The following STXBP5L variants were observed in gnomAD, a reference collection of about 807,000 sequenced individuals.
STXBP5L encodes the protein syntaxin binding protein 5L, also known as syntaxin-binding protein 5-like.
A neutral mutation model predicts 144.5 loss-of-function variants in STXBP5L; 65 were observed. The ratio of observed to expected loss-of-function variants is 0.45; its 90% CI spans 0.37 to 0.55. The LOEUF is 0.55. STXBP5L is among the 20% of genes least tolerant of loss of function. STXBP5L has a pLI of 0.00. For missense variants in STXBP5L, 1,298 were observed against 1,405.5 expected, an observed-to-expected ratio of 0.92 and a Z score of 1.22; for synonymous variants, 505 against 469.6, an observed-to-expected ratio of 1.08 and a Z score of -0.97.
chr3:121,017,233 T>A (rs2108181523), intron 3 of STXBP5L, among the ~76,000 whole-genome samples: 1 of 152,186 alleles, frequency 6.6e-6, no homozygotes, highest in East Asian at 1.9e-4. Context: ...TTTGACAAAA[T>A]CTCACACCCA....
chr3:121,145,768 C>A (rs1239854823), intron 7 of STXBP5L, among the ~76,000 whole-genome samples: 1 of 152,010 alleles, frequency 6.6e-6, no homozygotes, highest in Admixed American at 6.6e-5. Flanking sequence ...TAATTTTACA[C>A]ACCAAACTGA....
rs1942829910 is a variant in STXBP5L, at chr3:120,991,211, C to A, written c.287+36174C>A. On this transcript the variant is annotated intron_variant, in intron 3 of 26. Transcript: ENST00000471454. ...TTCTCAAAAGAAGACATTTATGCAG[C>A]CAAAAGACACATGAAAAAATGCTCA... Among the ~76,000 whole-genome samples, 3 of 151,876 alleles carry A rather than the reference C, an allele frequency of 2.0e-5. No homozygotes were observed. In the South Asian group the frequency reaches 6.2e-4, roughly 32 times the overall value.
At chr3:121,356,096 G>T (rs1230015417) in intron 20 of STXBP5L, among the ~76,000 whole-genome samples, 2 of 152,222 alleles carry the variant, frequency 1.3e-5, no homozygotes, top group Non-Finnish European at 2.9e-5. Flanking sequence ...CTTATCTGAG[G>T]TATCTGTCAG....
rs539206806 is a variant in STXBP5L, at chr3:121,195,099, A to G, written c.878-10824A>G. 1.9e-4 allele frequency among the ~76,000 whole-genome samples: 29 copies of G among 151,452 alleles called. No individual in the cohort carries two copies. In the East Asian group the frequency reaches 5.4e-3, roughly 28 times the overall value. On this transcript the variant is annotated intron_variant, in intron 9 of 26. Coordinates refer to ENST00000471454, the MANE Select transcript of STXBP5L (RefSeq NM_001308330.2). The stretch of plus-strand genomic sequence containing the variant: ...CCCAGCTAATTTTTGTATTTTTTTT[A>G]ATACAAAATTTAGACGGGATTTCAT...
intron 19 of STXBP5L, among the ~76,000 whole-genome samples, chr3:121,291,551 AC>A (rs1298169248): frequency 6.6e-6 from 1 of 152,128 alleles, no homozygotes; most frequent in South Asian, 2.1e-4. Context: ...ACTAGAAAAA[AC>A]AATCCTAAAA....
intron 5 of STXBP5L, chr3:121,099,609 AG>A (rs2043311150): frequency 6.5e-6 from 1 of 153,192 alleles, no homozygotes; most frequent in South Asian, 2.1e-4. Flanking sequence ...TAACTGGTGT[AG>A]AAAAGACATC....
At chr3:121,148,184 A>G (rs111326024) in intron 7 of STXBP5L, among the ~76,000 whole-genome samples, 2,934 of 152,250 alleles carry the variant, frequency 0.019, 91 homozygotes, top group African/African-American at 0.066. Flanking sequence ...TTAAAAGAAT[A>G]GAAAACAAAA....
At chr3:121,270,962 T>C (rs1440387305) in intron 18 of STXBP5L, among the ~76,000 whole-genome samples, 1 of 152,324 alleles carries the variant, frequency 6.6e-6, no homozygotes, top group Admixed American at 6.5e-5. Flanking sequence ...GGTGCTAATT[T>C]TGATTGCTTG....
chr3:121,094,269 C>T (rs2042992422), intron 5 of STXBP5L, among the ~76,000 whole-genome samples: 1 of 152,112 alleles, frequency 6.6e-6, no homozygotes, highest in Admixed American at 6.6e-5. Flanking sequence ...GTGGAGAGTT[C>T]TGTAGATGTC....
chr3:121,351,423 G>A (rs775385686), intron 20 of STXBP5L, among the ~76,000 whole-genome samples: 1 of 152,136 alleles, frequency 6.6e-6, no homozygotes, highest in Non-Finnish European at 1.5e-5. Flanking sequence ...CACTTGAGGA[G>A]GCAGTCTGTG....
intron 9 of STXBP5L, among the ~76,000 whole-genome samples, chr3:121,180,737 G>A (rs184159700): frequency 2.9e-4 from 44 of 152,274 alleles, no homozygotes; most frequent in Admixed American, 2.4e-3. Context: ...AGCTAGGCAT[G>A]GTAGCTCATG....
intron 3 of STXBP5L, among the ~76,000 whole-genome samples, chr3:120,987,716 A>G (rs1053648826): frequency 5.9e-5 from 9 of 151,764 alleles, no homozygotes; most frequent in African/African-American, 2.2e-4. Context: ...AAAAAATAAA[A>G]TTTACATTTC....
intron 3 of STXBP5L, among the ~76,000 whole-genome samples, chr3:121,010,994 TGAAA>T (rs1559997403): frequency 6.6e-6 from 1 of 151,076 alleles, no homozygotes; most frequent in Non-Finnish European, 1.5e-5. Flanking sequence ...ATTGCTTTGG[TGAAA>T]GAAATATTAT....
chr3:121,258,303 C>G (rs2050274333), intron 17 of STXBP5L, among the ~76,000 whole-genome samples: 1 of 152,118 alleles, frequency 6.6e-6, no homozygotes, highest in Non-Finnish European at 1.5e-5. Flanking sequence ...CTACATTTGC[C>G]ACTCAAAAAA....
intron 3 of STXBP5L, among the ~76,000 whole-genome samples, chr3:121,018,576 A>C (rs1945310849): frequency 6.6e-6 from 1 of 152,054 alleles, no homozygotes; most frequent in Admixed American, 6.6e-5. Flanking sequence ...CTTTCACAAA[A>C]ATCAACCCAA....
chr3:120,971,820 C>A (rs896273872), intron 3 of STXBP5L, among the ~76,000 whole-genome samples: 1 of 150,212 alleles, frequency 6.7e-6, no homozygotes, highest in Admixed American at 6.7e-5. Flanking sequence ...ATGTCTGTGC[C>A]ATGGAATACT....
intron 22 of STXBP5L, among the ~76,000 whole-genome samples, chr3:121,402,302 C>T (rs17740238): frequency 0.011 from 1,717 of 152,146 alleles, 18 homozygotes; most frequent in Non-Finnish European, 0.014. Context: ...TGAGAAGTTC[C>T]GTGGAAGTTG....
At chr3:121,056,541 G>T (rs528472807) in intron 5 of STXBP5L, among the ~76,000 whole-genome samples, 31 of 152,212 alleles carry the variant, frequency 2.0e-4, no homozygotes, top group Admixed American at 7.2e-4. Flanking sequence ...GGCTTTTGCA[G>T]ACCCAATTTA....
At chr3:121,266,487 G>C (rs2050571812) in intron 18 of STXBP5L, among the ~76,000 whole-genome samples, 1 of 152,100 alleles carries the variant, frequency 6.6e-6, no homozygotes, top group South Asian at 2.1e-4. Context: ...AAAATAATAA[G>C]AGCTATTTAT....
Sources: allele counts gnomAD v4.1 joint callset (sites outside exome capture counted in the v4.1 genomes callset), GRCh38; gene constraint gnomAD v4.1.1; transcripts MANE v1.5; gene names NCBI Gene and HGNC (gene_info 2026-07-23, HGNC 2026-07-21).